The following ZSCAN5A variants were observed in gnomAD, a reference collection of about 807,000 sequenced individuals.
The protein encoded by ZSCAN5A is zinc finger and SCAN domain containing 5A.
ZSCAN5A carries 12 observed loss-of-function variants against 23.7 expected under a neutral mutation model. The ratio of observed to expected loss-of-function variants is 0.51; its 90% CI spans 0.32 to 0.82. The LOEUF (loss-of-function observed/expected upper bound fraction) is 0.82. Among genes scored for constraint, ZSCAN5A ranks in the 40% least tolerant of loss-of-function variants. The pLI, the probability that ZSCAN5A is intolerant of heterozygous loss-of-function variation, is 0.03. For missense variants in ZSCAN5A, 597 were observed against 617.9 expected (o/e 0.97, Z 0.36); for synonymous variants, 257 against 239.9 (o/e 1.07, Z -0.66).
intron 2 of ZSCAN5A, chr19:56,320,943 T>A: frequency 1.3e-6 from 1 of 749,670 alleles, no homozygotes. Flanking sequence ...GGTCCTGCTT[T>A]CAAATTGTGG....
chr19:56,256,199 G>GT (rs2036680370), intron 2 of ZSCAN5A, among the ~76,000 whole-genome samples: 1 of 151,416 alleles, frequency 6.6e-6, no homozygotes, highest in Non-Finnish European at 1.5e-5. Context: ...TTGTTGTTTT[G>GT]TTTGTTTGTT....
intron 2 of ZSCAN5A, chr19:56,322,301 T>A: frequency 9.8e-7 from 1 of 1,021,026 alleles, no homozygotes; most frequent in South Asian, 1.3e-5. Flanking sequence ...CACTGCCTTT[T>A]GAAAGGCCAT....
Position 56,314,699 on chromosome 19 carries a change from C to G in ZSCAN5A, c.-248G>C, listed in dbSNP as rs912892373. ...TCGTTACCATGGTGACCGCGACACACTCAGAAACGTCTACTAGTGACGGTC... is the reference window on the plus strand; with the variant it reads ...TCGTTACCATGGTGACCGCGACACAGTCAGAAACGTCTACTAGTGACGGTC... On this transcript the variant is annotated 5_prime_UTR_variant, in exon 1 of 6. Coordinates refer to ENST00000683990, the MANE Select transcript of ZSCAN5A (RefSeq NM_001322064.3). The G allele has an allele frequency of 2.0e-4, 31 of 152,320 alleles. No homozygotes were observed. The highest frequency in any genetic ancestry group is 5.8e-4 in the African/African-American group (24 of 41,466). 9.4% of individuals were successfully genotyped at this position (152,320 alleles called of 1,614,324 possible).
chr19:56,349,945 C>A (rs114174497), intron 2 of ZSCAN5A, among the ~76,000 whole-genome samples: 2,383 of 152,196 alleles, frequency 0.016, 61 homozygotes, highest in African/African-American at 0.053. Flanking sequence ...TGTAAATCCC[C>A]AAAGGGACAT....
At chr19:56,261,820 C>A (rs1056346330) in intron 2 of ZSCAN5A, among the ~76,000 whole-genome samples, 4 of 152,064 alleles carry the variant, frequency 2.6e-5, no homozygotes, top group Non-Finnish European at 5.9e-5. Flanking sequence ...CACAATTTTT[C>A]TTTATTTTTG....
Position 56,322,275 on chromosome 19 carries a change from C to T in ZSCAN5A, c.-357-6007G>A. ...ACAGTTGCAAGAGCACCTCCTTCAA[C>T]AAGAATTGTCCCTTTCACTGCCTTT... On this transcript the variant is annotated intron_variant, in intron 2 of 6. Coordinates refer to the ZSCAN5A transcript ENST00000587340. 2.6e-6 allele frequency: 3 copies of T among 1,136,384 alleles called. No individual in the cohort carries two copies. The South Asian group carries it at 3.7e-5, about 14-fold the overall frequency. The allele number at this position is 1,136,384 out of a possible 1,614,324, so 70.4% of individuals were successfully genotyped here. A position where few individuals can be genotyped will look rare whatever the true frequency, so the allele number is the denominator to read the frequency against.
At chr19:56,256,665 T>G (rs2036719253) in intron 2 of ZSCAN5A, among the ~76,000 whole-genome samples, 1 of 152,174 alleles carries the variant, frequency 6.6e-6, no homozygotes, top group Non-Finnish European at 1.5e-5. Flanking sequence ...GGGTGTGGCA[T>G]GATTCAAATT....
intron 2 of ZSCAN5A, chr19:56,321,945 G>C: frequency 1.3e-6 from 1 of 780,942 alleles, no homozygotes; most frequent in Non-Finnish European, 2.4e-6. Flanking sequence ...ATGGCCTTCT[G>C]AAGATATCTC....
chr19:56,222,452 T>G, intron 5 of ZSCAN5A, 126 bp from the exon 6 acceptor site: 1 of 1,551,306 alleles, frequency 6.4e-7, no homozygotes, highest in South Asian at 1.3e-5. Flanking sequence ...CATTGGACTG[T>G]AGGTCTCTGG....
chr19:56,258,346 T>C (rs1011680154), intron 2 of ZSCAN5A, among the ~76,000 whole-genome samples: 4 of 150,356 alleles, frequency 2.7e-5, no homozygotes, highest in African/African-American at 1.0e-4. Flanking sequence ...TGAGAGGAAA[T>C]GGAGTCCTTG....
intron 2 of ZSCAN5A, among the ~76,000 whole-genome samples, chr19:56,230,615 A>ATGTGTGTGTGTGTGTGTGTG (rs58270311): frequency 6.8e-6 from 1 of 147,588 alleles, no homozygotes; most frequent in Non-Finnish European, 1.5e-5. Context: ...TTATTTCTTG[A>ATGTGTGTGTGTGTGTGTGTG]TGTGTGTGTG....
At chr19:56,336,322 A>T (rs2041535764) in intron 2 of ZSCAN5A, among the ~76,000 whole-genome samples, 1 of 151,808 alleles carries the variant, frequency 6.6e-6, no homozygotes, top group African/African-American at 2.4e-5. Flanking sequence ...TTCTCGCTTC[A>T]TTTCATTAAT....
At chr19:56,343,702 T>C (rs1319012392) in intron 2 of ZSCAN5A, among the ~76,000 whole-genome samples, 1 of 152,254 alleles carries the variant, frequency 6.6e-6, no homozygotes, top group South Asian at 2.1e-4. Flanking sequence ...TTCCACAGGC[T>C]GGACGTTCCC....
intron 2 of ZSCAN5A, chr19:56,320,987 C>T (rs1442211871): frequency 1.7e-5 from 12 of 718,260 alleles, no homozygotes; most frequent in Admixed American, 5.4e-5. Flanking sequence ...ATCTTCGCCA[C>T]AGACCGGTAA....
At chr19:56,260,621 C>A in intron 2 of ZSCAN5A, among the ~76,000 whole-genome samples, 1 of 151,760 alleles carries the variant, frequency 6.6e-6, no homozygotes. Context: ...GGACAAAAAT[C>A]TGCAATTTTA....
At chr19:56,339,331 C>G (rs1224648605) in intron 2 of ZSCAN5A, among the ~76,000 whole-genome samples, 3 of 151,320 alleles carry the variant, frequency 2.0e-5, no homozygotes, top group Non-Finnish European at 4.4e-5. Flanking sequence ...TGTGAAGGAG[C>G]GGCTGTAGCC....
intron 4 of ZSCAN5A, among the ~76,000 whole-genome samples, 196 bp from the exon 5 acceptor site, chr19:56,222,937 A>G (rs1599967449): frequency 6.6e-6 from 1 of 151,920 alleles, no homozygotes; most frequent in African/African-American, 2.4e-5. Flanking sequence ...CCTAATCTGC[A>G]CCCTCCATAT....
At chr19:56,359,675 C>G (rs1280265841) in intron 2 of ZSCAN5A, among the ~76,000 whole-genome samples, 1 of 152,110 alleles carries the variant, frequency 6.6e-6, no homozygotes, top group Non-Finnish European at 1.5e-5. Flanking sequence ...TGTCAAAATC[C>G]TCAATAAAAT....
chr19:56,321,310 T>C (rs1457122534), intron 2 of ZSCAN5A: 2 of 658,430 alleles, frequency 3.0e-6, no homozygotes, highest in East Asian at 5.8e-5. Flanking sequence ...CGCCCATCAC[T>C]GGTCAAGAAG....
Sources: allele counts gnomAD v4.1 joint callset (sites outside exome capture counted in the v4.1 genomes callset), GRCh38; gene constraint gnomAD v4.1.1; transcripts MANE v1.5; gene names NCBI Gene and HGNC (gene_info 2026-07-23, HGNC 2026-07-21).